NECAB1: variants seen among roughly 807,000 people sequenced by gnomAD.
The protein encoded by NECAB1 is N-terminal EF-hand calcium binding protein 1, also known as N-terminal EF-hand calcium-binding protein 1.
A neutral mutation model predicts 57.5 loss-of-function variants in NECAB1; 29 were observed. The observed-to-expected ratio is 0.50, with a 90% CI of 0.38 to 0.69. The LOEUF (loss-of-function observed/expected upper bound fraction) is 0.69. NECAB1 is among the 30% of genes least tolerant of loss of function. The pLI is 0.00. For synonymous variants in NECAB1, 142 were observed against 147.7 expected, an observed-to-expected ratio of 0.96 and a Z score of 0.28; for missense variants, 372 against 413.8, an observed-to-expected ratio of 0.90 and a Z score of 0.88.
chr8:90,831,679 T>G (rs1428227451), intron 3 of NECAB1, among the ~76,000 whole-genome samples: 1 of 152,124 alleles, frequency 6.6e-6, no homozygotes, highest in Non-Finnish European at 1.5e-5. Flanking sequence ...TGCTTTCCCA[T>G]TCTCTTCCTA....
At chr8:90,868,573 G>A (rs1808561790) in intron 3 of NECAB1, among the ~76,000 whole-genome samples, 1 of 152,196 alleles carries the variant, frequency 6.6e-6, no homozygotes, top group African/African-American at 2.4e-5. Flanking sequence ...CTAAGGATCT[G>A]TGGAACTTTG....
chr8:90,835,211 T>C (rs1055265765), intron 3 of NECAB1, among the ~76,000 whole-genome samples: 4 of 152,206 alleles, frequency 2.6e-5, no homozygotes, highest in African/African-American at 9.6e-5. Context: ...GCATAGTGTT[T>C]AGCACATATT....
At chr8:90,807,900 A>G (rs566518039) in intron 2 of NECAB1, among the ~76,000 whole-genome samples, 1 of 152,378 alleles carries the variant, frequency 6.6e-6, no homozygotes, top group South Asian at 2.1e-4. Flanking sequence ...CCTTATTGCA[A>G]GAAATGTCTC....
chr8:90,846,776 C>T (rs1382201321), intron 3 of NECAB1, among the ~76,000 whole-genome samples: 1 of 152,158 alleles, frequency 6.6e-6, no homozygotes, highest in Admixed American at 6.6e-5. Context: ...CAGGGGAACT[C>T]CCCTTTATAA....
chr8:90,811,180 T>C (rs1490856533), intron 2 of NECAB1, among the ~76,000 whole-genome samples: 1 of 152,136 alleles, frequency 6.6e-6, no homozygotes, highest in African/African-American at 2.4e-5. Flanking sequence ...CTCGATCTCC[T>C]GACCTCATGA....
At chr8:90,822,604 TTTTA>T (rs1812159812) in intron 2 of NECAB1, among the ~76,000 whole-genome samples, 1 of 151,856 alleles carries the variant, frequency 6.6e-6, no homozygotes, top group Admixed American at 6.6e-5. Context: ...TAATCGATGC[TTTTA>T]TTTGATAGAA....
rs766923007 is a variant in NECAB1 at position 90,801,688 on chromosome 8, C to A, written c.100-3C>A. ...ATAAAATTTTTTCCTTTTTCCTTTC[C>A]AGATACTGAGGAGAGCAGACAAAAA... On this transcript the variant is annotated splice_polypyrimidine_tract_variant and splice_region_variant and intron_variant, in intron 1 of 12. Coordinates refer to ENST00000417640, the MANE Select transcript of NECAB1 (RefSeq NM_022351.5). 1.3e-6 allele frequency: 2 copies of A among 1,522,412 alleles called. No homozygotes were observed. The highest frequency in any genetic ancestry group is 1.3e-5 in the South Asian group (1 of 78,702). The allele number at this position is 1,522,412 out of a possible 1,614,324, so 94.3% of individuals were successfully genotyped here. A position where few individuals can be genotyped will look rare whatever the true frequency, so the allele number is the denominator to read the frequency against.
intron 3 of NECAB1, among the ~76,000 whole-genome samples, chr8:90,858,360 T>G (rs570330902): frequency 1.3e-5 from 2 of 152,290 alleles, no homozygotes; most frequent in African/African-American, 4.8e-5. Context: ...CTGCCACAAT[T>G]TAAAACATTA....
intron 1 of NECAB1, among the ~76,000 whole-genome samples, chr8:90,793,053 A>G (rs1292329972): frequency 6.6e-6 from 1 of 152,178 alleles, no homozygotes; most frequent in Non-Finnish European, 1.5e-5. Context: ...TCTCTGAGTT[A>G]TCTTTTCTTA....
intron 2 of NECAB1, among the ~76,000 whole-genome samples, chr8:90,805,006 C>A: frequency 6.6e-6 from 1 of 152,160 alleles, no homozygotes; most frequent in Non-Finnish European, 1.5e-5. Flanking sequence ...CTACTGAAAG[C>A]TTGAGCTGTT....
chr8:90,794,321 A>G (rs901893650), intron 1 of NECAB1, among the ~76,000 whole-genome samples: 2 of 152,240 alleles, frequency 1.3e-5, no homozygotes, highest in Admixed American at 6.5e-5. Context: ...ATTTGATTTA[A>G]TATATTCTAT....
chr8:90,955,470 C>T lies in NECAB1; in HGVS notation c.1031-17C>T, dbSNP rs1327861327. 7 of 1,535,776 alleles carry T rather than the reference C, an allele frequency of 4.6e-6. 1 individual carries two copies. In the East Asian group the frequency reaches 1.7e-4, roughly 38 times the overall value. ...AAGTTATTTTCATTATTTTAGAAAA[C>T]ATTTTTCTCTTTTCAGCTTCGTGGT... On this transcript the variant is annotated splice_polypyrimidine_tract_variant and intron_variant, in intron 12 of 12. Transcript: ENST00000417640.
In NECAB1 at chr8:90,947,299, C is replaced by CT. The variant is rs140434479; in HGVS notation, c.861-2508_861-2507insT. On this transcript the variant is annotated intron_variant, in intron 10 of 12. Coordinates refer to ENST00000417640, the MANE Select transcript of NECAB1 (RefSeq NM_022351.5). Reference sequence around the variant, plus strand: ...TTCCTTTTAGCTATTGGGCTAACAACACATACACACACACACACACACACA... The same window carrying CT: ...TTCCTTTTAGCTATTGGGCTAACAACTACATACACACACACACACACACACA... Among the ~76,000 whole-genome samples, 468 of 129,880 alleles carry CT rather than the reference C, an allele frequency of 3.6e-3. 11 individuals are homozygous for CT. Among genetic ancestry groups the CT allele is most frequent in the African/African-American group, 0.011 (375 of 34,150 alleles). The allele number at this position is 129,880 out of a possible 152,430, so 85.2% of individuals were successfully genotyped here.
At chr8:90,831,366 T>C (rs1324191279) in intron 3 of NECAB1, among the ~76,000 whole-genome samples, 1 of 152,098 alleles carries the variant, frequency 6.6e-6, no homozygotes, top group East Asian at 1.9e-4. Context: ...AGGCAAAACT[T>C]GAGTCCCCCG....
chr8:90,814,531 T>G (rs1366975436), intron 2 of NECAB1, among the ~76,000 whole-genome samples: 3 of 152,206 alleles, frequency 2.0e-5, no homozygotes. Flanking sequence ...TATTTTCTTA[T>G]TTATTTATTT....
Position 90,791,822 on chromosome 8 carries a change from G to T in NECAB1, c.-65G>T, listed in dbSNP as rs1043523002. 3.5e-5 allele frequency: 47 copies of T among 1,347,832 alleles called. No individual in the cohort carries two copies. The highest frequency in any genetic ancestry group is 4.3e-5 in the Non-Finnish European group (42 of 974,618). 83.5% of individuals were successfully genotyped at this position (1,347,832 alleles called of 1,614,324 possible). A position where few individuals can be genotyped will look rare whatever the true frequency, so the allele number is the denominator to read the frequency against. On this transcript the variant is annotated 5_prime_UTR_variant, in exon 1 of 13. Transcript: ENST00000417640. Reference sequence around the variant, plus strand: ...GCGGCGAAGCAGCAGCTGCGGCCGCGCCCTTGCCAGAGCCGGTGCGTCCGC... The same window carrying T: ...GCGGCGAAGCAGCAGCTGCGGCCGCTCCCTTGCCAGAGCCGGTGCGTCCGC...
At chr8:90,923,209 C>T (rs543979309) in intron 6 of NECAB1, among the ~76,000 whole-genome samples, 5 of 152,232 alleles carry the variant, frequency 3.3e-5, no homozygotes, top group Admixed American at 6.5e-5. Context: ...TGCTCCTACC[C>T]GATCCTTGAA....
intron 4 of NECAB1, among the ~76,000 whole-genome samples, chr8:90,878,019 G>C (rs888396564): frequency 1.3e-5 from 2 of 151,680 alleles, no homozygotes; most frequent in Non-Finnish European, 2.9e-5. Context: ...ACTCACCCAG[G>C]CAGACTTGGG....
At chr8:90,881,161 A>T in intron 5 of NECAB1, 31 bp downstream of exon 5, 2 of 1,434,002 alleles carry the variant, frequency 1.4e-6, no homozygotes, top group Non-Finnish European at 1.9e-6. Context: ...ATTTTCTATA[A>T]AAATCTCTTC....
Sources: allele counts gnomAD v4.1 joint callset (sites outside exome capture counted in the v4.1 genomes callset), GRCh38; gene constraint gnomAD v4.1.1; transcripts MANE v1.5; gene names NCBI Gene and HGNC (gene_info 2026-07-23, HGNC 2026-07-21).